The following CCDC81 variants were observed in gnomAD, a reference collection of about 807,000 sequenced individuals.
The protein encoded by CCDC81 is coiled-coil domain containing 81.
CCDC81 carries 79 observed loss-of-function variants against 83.7 expected under a neutral mutation model. The observed-to-expected ratio is 0.94, with a 90% confidence interval of 0.79 to 1.14. The LOEUF is 1.14. CCDC81 is among the 50% of genes most tolerant of loss of function. The pLI is 0.00. For missense variants in CCDC81, 791 were observed against 778.1 expected, an observed-to-expected ratio of 1.02 and a Z score of -0.20; for synonymous variants, 252 against 278.1, an observed-to-expected ratio of 0.91 and a Z score of 0.93.
At chr11:86,408,433 A>T (rs932730839) in intron 9 of CCDC81, among the ~76,000 whole-genome samples, 163 bp downstream of exon 9, 2 of 152,212 alleles carry the variant, frequency 1.3e-5, no homozygotes, top group African/African-American at 4.8e-5. Context: ...ACTTGGGCTC[A>T]GATGATCCTT....
intron 1 of CCDC81, among the ~76,000 whole-genome samples, chr11:86,384,376 A>T (rs1417677258): frequency 1.3e-5 from 2 of 151,994 alleles, no homozygotes; most frequent in Non-Finnish European, 2.9e-5. Context: ...TGATTATAGA[A>T]AGTGATTAAT....
chr11:86,389,377 T>G (rs1948292289), intron 3 of CCDC81, among the ~76,000 whole-genome samples: 1 of 152,232 alleles, frequency 6.6e-6, no homozygotes, highest in African/African-American at 2.4e-5. Flanking sequence ...TAGTCTGTTC[T>G]CACACTGTTA....
Position 86,419,812 on chromosome 11 carries a change from A to G in CCDC81, c.1692-116A>G. On this transcript the variant is annotated intron_variant, in intron 13 of 14. Coordinates refer to ENST00000445632, the MANE Select transcript of CCDC81 (RefSeq NM_001156474.2). Reference sequence around the variant, plus strand: ...GTGTTCATGCTTTTTAGTATATTTCAGAGTAGTGAACAAAACCAGAAGGTT... The same window carrying G: ...GTGTTCATGCTTTTTAGTATATTTCGGAGTAGTGAACAAAACCAGAAGGTT... 6.7e-6 allele frequency: 7 copies of G among 1,039,904 alleles called. No homozygotes were observed. In the South Asian group the frequency reaches 1.1e-4, roughly 16 times the overall value. 64.4% of individuals were successfully genotyped at this position (1,039,904 alleles called of 1,614,324 possible).
At chr11:86,392,927 T>C in intron 4 of CCDC81, 130 bp downstream of exon 4, 1 of 992,222 alleles carries the variant, frequency 1.0e-6, no homozygotes, top group Non-Finnish European at 1.4e-6. Flanking sequence ...TACATGGAAG[T>C]GCTTGTTTAT....
intron 10 of CCDC81, 59 bp downstream of exon 10, chr11:86,409,424 C>A: frequency 2.5e-6 from 2 of 790,858 alleles, no homozygotes; most frequent in South Asian, 2.0e-5. Context: ...CCTTTGGATC[C>A]ACTCCCTGTG....
chr11:86,413,978 T>C (rs1293570538), intron 11 of CCDC81, among the ~76,000 whole-genome samples: 2 of 152,170 alleles, frequency 1.3e-5, no homozygotes, highest in African/African-American at 4.8e-5. Flanking sequence ...CAAGTTTCTG[T>C]GATGAAAAAA....
At chr11:86,401,912 G>A (rs562183218) in intron 7 of CCDC81, among the ~76,000 whole-genome samples, 5 of 152,086 alleles carry the variant, frequency 3.3e-5, no homozygotes, top group African/African-American at 7.2e-5. Context: ...CGAGGCAGGC[G>A]GATCACGAGG....
intron 14 of CCDC81, 26 bp downstream of exon 14, chr11:86,420,079 T>C (rs899422042): frequency 7.5e-6 from 12 of 1,606,290 alleles, no homozygotes; most frequent in Non-Finnish European, 2.5e-6. Context: ...AACCCCAAAA[T>C]TCTCCTGCTC....
chr11:86,395,938 A>C (rs1482927023), intron 5 of CCDC81, among the ~76,000 whole-genome samples: 1 of 152,124 alleles, frequency 6.6e-6, no homozygotes, highest in African/African-American at 2.4e-5. Context: ...ACTCTTTTTT[A>C]AAACTACCCT....
intron 10 of CCDC81, among the ~76,000 whole-genome samples, chr11:86,410,819 C>T (rs949728150): frequency 2.6e-5 from 4 of 152,174 alleles, no homozygotes; most frequent in Admixed American, 2.6e-4. Context: ...GTCATGATCA[C>T]AATATTCCTT....
At position 86,422,787 on chromosome 11, in the gene CCDC81, C is replaced by G; in HGVS notation, c.*72C>G. 1 of 1,443,256 alleles carries G rather than the reference C, an allele frequency of 6.9e-7. No homozygotes were observed. Among genetic ancestry groups the G allele is most frequent in the South Asian group, 1.3e-5 (1 of 77,482 alleles). 89.4% of individuals were successfully genotyped at this position (1,443,256 alleles called of 1,614,324 possible). On this transcript the variant is annotated 3_prime_UTR_variant, in exon 15 of 15. Transcript: ENST00000445632. ...TACATGTTTGGGGGTGATTGTGAAA[C>G]TGCGTATTTTTACCTCAGAGAAAAA...
rs1176721699 is a variant in CCDC81, at chr11:86,407,693, G to A, written c.961G>A (p.Ala321Thr). 6.2e-7 allele frequency: 1 copy of A among 1,612,250 alleles called. No individual in the cohort carries two copies. Among genetic ancestry groups the A allele is most frequent in the Admixed American group, 1.7e-5 (1 of 59,974 alleles). The change falls in exon 8 of 15, where the codon GCA becomes ACA. Residue 321 changes from alanine (A) to threonine (T), a missense_variant. Ala to Thr is a moderately conservative substitution (Grantham distance 58). Transcript: ENST00000445632. ...TCCAGCTTGCCAGGATCATAACAAG[G>A]CAGGACAGGTACAGTGTTTCCAAAC... ...TSPACQDHNK[A>T]GQEMCYVCLQ...
chr11:86,384,815 A>G (rs571495917), intron 1 of CCDC81, among the ~76,000 whole-genome samples: 2 of 152,364 alleles, frequency 1.3e-5, no homozygotes, highest in African/African-American at 4.8e-5. Context: ...AGTATCTTTG[A>G]TAAACACATG....
At chr11:86,421,371 G>A (rs7110141) in intron 14 of CCDC81, among the ~76,000 whole-genome samples, 37,424 of 151,750 alleles carry the variant, frequency 0.25, 5,360 homozygotes, top group Non-Finnish European at 0.29. Flanking sequence ...GTGCAGTGGC[G>A]CGATCTCGGC....
intron 7 of CCDC81, among the ~76,000 whole-genome samples, chr11:86,402,973 G>A (rs993325717): frequency 2.0e-5 from 3 of 151,526 alleles, no homozygotes; most frequent in African/African-American, 7.3e-5. Flanking sequence ...GAGTAGCTGG[G>A]ACTATAGGTG....
At chr11:86,413,912 G>A (rs189533352) in intron 11 of CCDC81, among the ~76,000 whole-genome samples, 5 of 152,196 alleles carry the variant, frequency 3.3e-5, no homozygotes, top group Non-Finnish European at 7.4e-5. Context: ...GAGATTGGGA[G>A]AGCAACTATG....
In CCDC81 at chr11:86,375,142, C is replaced by G; in HGVS notation, c.-22C>G. ...GAAGAGACCCATCGAACATTCAGTA[C>G]GGAGTCACCTGGAAATTGGAGATGT... On this transcript the variant is annotated 5_prime_UTR_variant, in exon 1 of 15. Coordinates refer to ENST00000445632, the MANE Select transcript of CCDC81 (RefSeq NM_001156474.2). The G allele has an allele frequency of 1.2e-6, 2 of 1,605,650 alleles. No individual in the cohort carries two copies. The highest frequency in any genetic ancestry group is 1.7e-6 in the Non-Finnish European group (2 of 1,172,536).
At chr11:86,395,257 A>G (rs563197100) in intron 4 of CCDC81, 77 bp from the exon 5 acceptor site, 2 of 1,105,788 alleles carry the variant, frequency 1.8e-6, no homozygotes, top group East Asian at 4.8e-5. Context: ...AGCCTTGCCT[A>G]TGAGCCTGCA....
intron 6 of CCDC81, among the ~76,000 whole-genome samples, chr11:86,399,040 ATCT>A (rs1347198117): frequency 1.3e-5 from 2 of 152,208 alleles, no homozygotes; most frequent in Non-Finnish European, 2.9e-5. Context: ...AGTGAGCACA[ATCT>A]TCTGATTTTT....
Sources: allele counts gnomAD v4.1 joint callset (sites outside exome capture counted in the v4.1 genomes callset), GRCh38; gene constraint gnomAD v4.1.1; transcripts MANE v1.5; gene names NCBI Gene and HGNC (gene_info 2026-07-23, HGNC 2026-07-21).